The following TNFRSF19 variants were observed in gnomAD, a reference collection of about 807,000 sequenced individuals.
TNFRSF19 encodes TNF receptor superfamily member 19.
Under a neutral mutation model 46.4 loss-of-function variants are expected in TNFRSF19, and 27 were observed. That is an observed-to-expected ratio of 0.58 (90% CI 0.43 to 0.80). The LOEUF (loss-of-function observed/expected upper bound fraction) is 0.80. TNFRSF19 is among the 30% of genes least tolerant of loss of function. TNFRSF19 has a pLI of 0.00. For synonymous variants in TNFRSF19, 204 were observed against 205.0 expected, an observed-to-expected ratio of 1.00 and a Z score of 0.04; for missense variants, 511 against 530.8, an observed-to-expected ratio of 0.96 and a Z score of 0.37.
At chr13:23,632,928 G>A (rs1882440223) in intron 5 of TNFRSF19, among the ~76,000 whole-genome samples, 1 of 152,154 alleles carries the variant, frequency 6.6e-6, no homozygotes, top group South Asian at 2.1e-4. Flanking sequence ...AAAGCAGCAT[G>A]AAGAACCCCA....
At chr13:23,587,245 C>T (rs960494815) in intron 1 of TNFRSF19, among the ~76,000 whole-genome samples, 9 of 152,080 alleles carry the variant, frequency 5.9e-5, no homozygotes, top group Admixed American at 2.6e-4. Context: ...ATTACTTAAA[C>T]GCTTAAGCTA....
intron 5 of TNFRSF19, among the ~76,000 whole-genome samples, chr13:23,638,534 T>A (rs573539695): frequency 6.6e-6 from 1 of 152,348 alleles, no homozygotes; most frequent in African/African-American, 2.4e-5. Context: ...TGATCATATT[T>A]GGCCTAGTCC....
chr13:23,636,498 G>GT (rs1882692936), intron 5 of TNFRSF19, among the ~76,000 whole-genome samples: 2 of 152,062 alleles, frequency 1.3e-5, no homozygotes, highest in Admixed American at 6.5e-5. Flanking sequence ...TAAGATATCC[G>GT]TATCACTGAT....
rs555849257 is a variant in TNFRSF19, at chr13:23,632,341, A to C, written c.445+5549A>C. 1.2e-4 allele frequency among the ~76,000 whole-genome samples: 19 copies of C among 152,326 alleles called. No homozygotes were observed. The East Asian group carries it at 3.7e-3, about 29-fold the overall frequency. ...GAGAAGGGGTGGCTTCTTATAGGCA[A>C]GTCTTAAATACTTAGCTCTTTACTG... On this transcript the variant is annotated intron_variant, in intron 5 of 9. Coordinates refer to ENST00000248484, the MANE Select transcript of TNFRSF19 (RefSeq NM_148957.4).
chr13:23,668,903 A>G lies in TNFRSF19; in HGVS notation c.1051A>G (p.Ser351Gly), dbSNP rs1198831571. 5 of 1,614,280 alleles carry G rather than the reference A, an allele frequency of 3.1e-6. No individual in the cohort carries two copies. Among genetic ancestry groups the G allele is most frequent in the Non-Finnish European group, 4.2e-6 (5 of 1,180,048 alleles). ...LESSTSLDSNSSQDLVGGAVP... is the reference protein window; with the variant it reads ...LESSTSLDSNGSQDLVGGAVP... ...AAGCTCAACGTCTTTGGATTCAAAT[A>G]GCAGTCAAGATTTGGTTGGTGGGGC... is the stretch of plus-strand genomic sequence containing the variant. Residue 351 changes from serine (S) to glycine (G), a missense_variant, in exon 9 of 10, where the codon AGC becomes GGC. Physicochemically the swap from Ser to Gly is moderately conservative, Grantham distance 56. This residue lies in a region of TNFRSF19 where 376 missense variants were observed against 372.7 expected (regional missense o/e 1.01). Transcript: ENST00000248484.
At chr13:23,575,500 C>A (rs1269830399) in intron 1 of TNFRSF19, among the ~76,000 whole-genome samples, 2 of 152,196 alleles carry the variant, frequency 1.3e-5, no homozygotes, top group Non-Finnish European at 2.9e-5. Context: ...GCTCCCTCAG[C>A]CCCATGCTGA....
intron 4 of TNFRSF19, among the ~76,000 whole-genome samples, chr13:23,626,343 G>T (rs1882007297): frequency 6.6e-6 from 1 of 151,914 alleles, no homozygotes; most frequent in Non-Finnish European, 1.5e-5. Context: ...TGGTTGCTTG[G>T]TTTTTTGGTG....
intron 7 of TNFRSF19, among the ~76,000 whole-genome samples, chr13:23,665,828 GCC>G (rs1319118228): frequency 6.6e-6 from 1 of 152,104 alleles, no homozygotes; most frequent in African/African-American, 2.4e-5. Flanking sequence ...TTTCTTAATT[GCC>G]CCAGTATTGT....
At chr13:23,571,158 C>A (rs867263745) in intron 1 of TNFRSF19, among the ~76,000 whole-genome samples, 1 of 152,258 alleles carries the variant, frequency 6.6e-6, no homozygotes, top group Middle Eastern at 3.4e-3. Flanking sequence ...GTACTTCAAC[C>A]CCTGAGATCT....
Position 23,660,446 on chromosome 13 carries a change from A to G in TNFRSF19, c.692A>G (p.His231Arg), listed in dbSNP as rs1161033454. 6.2e-7 allele frequency: 1 copy of G among 1,613,668 alleles called. No homozygotes were observed. The highest frequency in any genetic ancestry group is 2.2e-5 in the East Asian group (1 of 44,892). The change falls in exon 7 of 10, where the codon CAC becomes CGC. Residue 231 changes from histidine (H) to arginine (R), a missense_variant. Physicochemically the swap from His to Arg is conservative, Grantham distance 29. This residue lies in a region of TNFRSF19 where 376 missense variants were observed against 372.7 expected (regional missense o/e 1.01). Coordinates refer to ENST00000248484, the MANE Select transcript of TNFRSF19 (RefSeq NM_148957.4). ...AGACCTCAGCTCCACGAATATGCCCACAGAGCCTGCTGCCAGTGCCGCCGT... is the reference window on the plus strand; with the variant it reads ...AGACCTCAGCTCCACGAATATGCCCGCAGAGCCTGCTGCCAGTGCCGCCGT... ...FDRPQLHEYAHRACCQCRRDS... is the reference protein window; with the variant it reads ...FDRPQLHEYARRACCQCRRDS...
intron 3 of TNFRSF19, among the ~76,000 whole-genome samples, chr13:23,593,860 G>A (rs117890955): frequency 0.012 from 1,799 of 152,310 alleles, 20 homozygotes; most frequent in East Asian, 0.022. Flanking sequence ...AGCGAGATCA[G>A]TGCAGAAGGC....
intron 2 of TNFRSF19, among the ~76,000 whole-genome samples, chr13:23,590,919 A>T (rs1366977649): frequency 1.3e-5 from 2 of 152,212 alleles, no homozygotes; most frequent in Non-Finnish European, 2.9e-5. Flanking sequence ...CATGACCTAC[A>T]CAGTTTATGA....
In TNFRSF19 at chr13:23,675,937, G is replaced by A. The variant is rs1349591490; in HGVS notation, c.*2557G>A. The A allele has an allele frequency of 1.3e-5, 2 of 152,178 alleles. No individual in the cohort carries two copies. The highest frequency in any genetic ancestry group is 2.9e-5 in the Non-Finnish European group (2 of 68,026). The allele number at this position is 152,178 out of a possible 1,614,324, so 9.4% of individuals were successfully genotyped here. Reference sequence around the variant, plus strand: ...CTATTGTCTGTGCTAGTAAGAAAAAGAAAGGAAAACCATCATTGCTTTATA... The same window carrying A: ...CTATTGTCTGTGCTAGTAAGAAAAAAAAAGGAAAACCATCATTGCTTTATA... On this transcript the variant is annotated 3_prime_UTR_variant, in exon 10 of 10. Transcript: ENST00000248484.
At chr13:23,571,869 G>T (rs1043440835) in intron 1 of TNFRSF19, among the ~76,000 whole-genome samples, 1 of 150,900 alleles carries the variant, frequency 6.6e-6, no homozygotes, top group African/African-American at 2.4e-5. Context: ...CTTTGTTCGC[G>T]ATGTTTTTTT....
intron 2 of TNFRSF19, among the ~76,000 whole-genome samples, chr13:23,592,515 G>A (rs775867163): frequency 2.0e-5 from 3 of 152,120 alleles, no homozygotes; most frequent in African/African-American, 4.8e-5. Flanking sequence ...CTCTGTTTTT[G>A]CCTAAGTATA....
chr13:23,615,781 A>G, intron 3 of TNFRSF19, 86 bp from the exon 4 acceptor site: 1 of 1,376,102 alleles, frequency 7.3e-7, no homozygotes. Flanking sequence ...TAATTATTAG[A>G]CCAGGTCTTC....
chr13:23,600,460 T>A (rs1182252730), intron 3 of TNFRSF19, among the ~76,000 whole-genome samples: 2 of 152,228 alleles, frequency 1.3e-5, no homozygotes, highest in African/African-American at 4.8e-5. Context: ...CACCCTCCCA[T>A]GCTTTTGTGA....
At position 23,645,918 on chromosome 13, in the gene TNFRSF19, C is replaced by T. The variant is rs565123327; in HGVS notation, c.446-13132C>T. On this transcript the variant is annotated intron_variant, in intron 5 of 9. Coordinates refer to ENST00000248484, the MANE Select transcript of TNFRSF19 (RefSeq NM_148957.4). ...AAACCCATGGTCCCTCAAAACTTCA[C>T]CATCTCCATAAATTAATAGACAGCA... 1.5e-4 allele frequency among the ~76,000 whole-genome samples: 23 copies of T among 152,290 alleles called. 1 individual carries two copies. The South Asian group carries it at 2.7e-3, about 18-fold the overall frequency.
rs141713160 is a variant in TNFRSF19 at position 23,570,559 on chromosome 13, CAA to C, written c.-321_-320del. 3 of 152,302 alleles carry C rather than the reference CAA, an allele frequency of 2.0e-5. No individual in the cohort carries two copies. The highest frequency in any genetic ancestry group is 2.4e-5 in the African/African-American group (1 of 41,572). 9.4% of individuals were successfully genotyped at this position (152,302 alleles called of 1,614,324 possible). On this transcript the variant is annotated 5_prime_UTR_variant, in exon 1 of 10. An upstream open reading frame in the 5' UTR loses its in-frame stop. Coordinates refer to ENST00000248484, the MANE Select transcript of TNFRSF19 (RefSeq NM_148957.4). ...GGAAAACAACGTGATCCATGTTTAA[CAA>C]AAGAGTCTGTGGACTAGGAGGTGGG...
Sources: allele counts gnomAD v4.1 joint callset (sites outside exome capture counted in the v4.1 genomes callset), GRCh38; gene constraint gnomAD v4.1.1; regional missense constraint gnomAD v4.1.1; transcripts MANE v1.5; gene names NCBI Gene and HGNC (gene_info 2026-07-23, HGNC 2026-07-21).